Variants in PM20D2 observed in about 807,000 individuals in gnomAD.
PM20D2 encodes xaa-Arg dipeptidase.
In PM20D2, 33 loss-of-function variants were observed where a neutral mutation model predicts 42.9. That is an observed-to-expected ratio of 0.77 (90% CI 0.58 to 1.03). The LOEUF is 1.03. PM20D2 is among the 50% of genes least tolerant of loss of function. PM20D2 has a pLI of 0.00. For missense variants in PM20D2, 548 were observed against 557.0 expected (o/e 0.98, Z 0.16); for synonymous variants, 250 against 228.2 (o/e 1.10, Z -0.86).
the PM20D2 span, among the ~76,000 whole-genome samples, chr6:89,126,395 A>T: frequency 2.7e-4 from 2 of 7,442 alleles, no homozygotes; most frequent in African/African-American, 1.1e-3. Flanking sequence ...ACCTGTCTTA[A>T]AAAAAAAAGG....
chr6:89,142,920 A>C (rs1770382965), upstream of PM20D2, among the ~76,000 whole-genome samples: 2 of 152,162 alleles, frequency 1.3e-5, no homozygotes, highest in African/African-American at 4.8e-5. Flanking sequence ...GGCCTCCCAG[A>C]GTGCTGGGAT....
the PM20D2 span, among the ~76,000 whole-genome samples, chr6:89,110,001 G>A: frequency 5.9e-5 from 9 of 152,104 alleles, no homozygotes; most frequent in African/African-American, 1.7e-4. Context: ...TGAGGCAGGA[G>A]AATGGTGTGA....
the PM20D2 span, among the ~76,000 whole-genome samples, chr6:89,140,427 GA>G: frequency 6.6e-6 from 1 of 152,152 alleles, no homozygotes; most frequent in Admixed American, 6.5e-5. Flanking sequence ...TTTGAGAAGT[GA>G]ATCCTTAGTA....
the PM20D2 span, among the ~76,000 whole-genome samples, chr6:89,122,150 T>C: frequency 6.6e-6 from 1 of 152,238 alleles, no homozygotes; most frequent in Non-Finnish European, 1.5e-5. Flanking sequence ...AATAACTTAC[T>C]GTCATTTAGA....
intron 2 of PM20D2, among the ~76,000 whole-genome samples, chr6:89,151,461 C>T (rs1261201397): frequency 6.6e-6 from 1 of 152,210 alleles, no homozygotes; most frequent in East Asian, 1.9e-4. Context: ...CTCCTGACCT[C>T]AAGTGATCCA....
chr6:89,156,708 G>A (rs1027365978), intron 4 of PM20D2, among the ~76,000 whole-genome samples: 7 of 152,182 alleles, frequency 4.6e-5, no homozygotes, highest in African/African-American at 1.4e-4. Context: ...ACTGAGCTTT[G>A]AAGGTTGATC....
intron 1 of PM20D2, among the ~76,000 whole-genome samples, 195 bp from the exon 2 acceptor site, chr6:89,149,070 G>T (rs1389754800): frequency 1.3e-5 from 2 of 152,102 alleles, no homozygotes; most frequent in Non-Finnish European, 2.9e-5. Flanking sequence ...GCACCAAGTT[G>T]GTATAACAAT....
upstream of PM20D2, chr6:89,146,004 G>C (rs1199741394): frequency 4.5e-6 from 3 of 669,036 alleles, no homozygotes; most frequent in Admixed American, 1.3e-4. Flanking sequence ...CCCCGGGACT[G>C]GGGGTGGTGC....
chr6:89,143,758 A>C (rs1028085478), upstream of PM20D2, among the ~76,000 whole-genome samples: 19 of 152,204 alleles, frequency 1.2e-4, no homozygotes, highest in Non-Finnish European at 1.9e-4. Flanking sequence ...AGATTCTAGA[A>C]AGCCACATGT....
chr6:89,110,905 C>T, the PM20D2 span, among the ~76,000 whole-genome samples: 1 of 152,010 alleles, frequency 6.6e-6, no homozygotes, highest in Admixed American at 6.6e-5. Flanking sequence ...TACTTGAGCC[C>T]AGGAGTTCAA....
intron 5 of PM20D2, among the ~76,000 whole-genome samples, chr6:89,161,149 G>A (rs189856667): frequency 1.7e-3 from 256 of 152,270 alleles, no homozygotes; most frequent in African/African-American, 5.1e-3. Flanking sequence ...GTTGATAGGT[G>A]GAGTGGAGGT....
At chr6:89,159,069 G>C (rs1030449584) in intron 5 of PM20D2, among the ~76,000 whole-genome samples, 1 of 152,002 alleles carries the variant, frequency 6.6e-6, no homozygotes, top group Non-Finnish European at 1.5e-5. Context: ...GGGTAAGAGG[G>C]GGTTGTTATA....
chr6:89,111,194 C>A, the PM20D2 span, among the ~76,000 whole-genome samples: 1 of 151,912 alleles, frequency 6.6e-6, no homozygotes, highest in African/African-American at 2.4e-5. Flanking sequence ...CTGCAGCCTC[C>A]ACTTCCCAGG....
At chr6:89,117,072 G>T in the PM20D2 span, among the ~76,000 whole-genome samples, 1 of 152,022 alleles carries the variant, frequency 6.6e-6, no homozygotes, top group African/African-American at 2.4e-5. Flanking sequence ...ATTAAGGAAG[G>T]AAGTGCTATA....
intron 6 of PM20D2, 37 bp from the exon 7 acceptor site, chr6:89,162,072 A>G: frequency 1.9e-6 from 3 of 1,586,746 alleles, no homozygotes; most frequent in Non-Finnish European, 2.6e-6. Context: ...TACAGCTTAA[A>G]TAAGTAAGGA....
rs1211531926 is a variant in PM20D2 at position 89,158,388 on chromosome 6, G to A, written c.976G>A (p.Ala326Thr). 2 of 1,612,298 alleles carry A rather than the reference G, an allele frequency of 1.2e-6. No individual in the cohort carries two copies. Among genetic ancestry groups the A allele is most frequent in the African/African-American group, 2.7e-5 (2 of 74,858 alleles). ...TCTTCCCAATAAGAGCCTATGGAAAGCCTATATGGAAAATGGAAGAAAGCT... is the reference window on the plus strand; with the variant it reads ...TCTTCCCAATAAGAGCCTATGGAAAACCTATATGGAAAATGGAAGAAAGCT... ...NVLPNKSLWK[A>T]YMENGRKLGI... The change falls in exon 5 of 7, where the codon GCC becomes ACC. Residue 326 changes from alanine to threonine, a missense_variant. Transcript: ENST00000275072.
the PM20D2 span, among the ~76,000 whole-genome samples, chr6:89,130,819 CTTTTTT>C: frequency 3.3e-4 from 8 of 24,056 alleles, no homozygotes; most frequent in South Asian, 2.3e-3. Context: ...GCTTCTTCTT[CTTTTTT>C]TTTTTTTTTT....
At position 89,153,144 on chromosome 6, in the gene PM20D2, C is replaced by A. The variant is rs538893425; in HGVS notation, c.716C>A (p.Ser239Tyr). The change falls in exon 3 of 7, where the codon TCT (serine) becomes TAT (tyrosine). Residue 239 changes from serine to tyrosine, a missense_variant. By Grantham distance (144) the Ser-to-Tyr change is moderately radical. Around this residue, in one of 3 missense-constraint regions of PM20D2, gnomAD observed 470 missense variants for 464.4 expected, o/e 1.01. Coordinates refer to ENST00000275072, the MANE Select transcript of PM20D2 (RefSeq NM_001010853.3). Reference protein sequence around the residue: ...DAAVLAYNNLSVFRQQMKPTW... With the variant: ...DAAVLAYNNLYVFRQQMKPTW... ...GCTGTGCTGGCCTATAACAATCTGT[C>A]TGTGTTCAGACAGCAAATGAAACCA... 7 of 1,610,568 alleles carry A rather than the reference C, an allele frequency of 4.3e-6. No individual in the cohort carries two copies. The South Asian group carries it at 6.6e-5, about 15-fold the overall frequency.
the PM20D2 span, among the ~76,000 whole-genome samples, chr6:89,127,330 GC>G: frequency 8.2e-6 from 1 of 122,580 alleles, no homozygotes; most frequent in Non-Finnish European, 1.6e-5. Context: ...CCTGTGAAAT[GC>G]TTTTTTTTTT....
Sources: allele counts gnomAD v4.1 joint callset (sites outside exome capture counted in the v4.1 genomes callset), GRCh38; gene constraint gnomAD v4.1.1; regional missense constraint gnomAD v4.1.1; transcripts MANE v1.5; gene names NCBI Gene and HGNC (gene_info 2026-07-23, HGNC 2026-07-21).